NEK11: variants seen among roughly 807,000 people sequenced by gnomAD.
The protein encoded by NEK11 is serine/threonine-protein kinase Nek11.
Under a neutral mutation model 80.7 loss-of-function variants are expected in NEK11, and 72 were observed. That is an observed-to-expected ratio of 0.89 (90% CI 0.74 to 1.08). The LOEUF (loss-of-function observed/expected upper bound fraction) is 1.08, where lower values mean the gene tolerates loss of function less well. NEK11 is among the 50% of genes least tolerant of loss of function. The probability of loss-of-function intolerance (pLI) is 0.00; values close to 1 mark genes in which losing one functional copy is unlikely to be tolerated. For synonymous variants in NEK11, 251 were observed against 260.7 expected (o/e 0.96, Z 0.36); for missense variants, 764 against 763.6 (o/e 1.00, Z -0.01).
At chr3:131,133,980 T>C in intron 7 of NEK11, 24 bp downstream of exon 7, 1 of 1,554,350 alleles carries the variant, frequency 6.4e-7, no homozygotes, top group Non-Finnish European at 8.7e-7. Flanking sequence ...TGGGCTAGAC[T>C]CTTCATCTGC....
chr3:131,243,854 C>G (rs147800161), intron 16 of NEK11, among the ~76,000 whole-genome samples: 98 of 152,134 alleles, frequency 6.4e-4, no homozygotes, highest in African/African-American at 2.1e-3. Flanking sequence ...TTCAGTTAAG[C>G]TGGGAGGACC....
chr3:131,167,816 C>G (rs1210477605), intron 12 of NEK11, among the ~76,000 whole-genome samples: 1 of 152,244 alleles, frequency 6.6e-6, no homozygotes, highest in Non-Finnish European at 1.5e-5. Flanking sequence ...CCCTTCCCAT[C>G]AGCAAGGAGC....
chr3:131,204,385 G>T (rs982930285), intron 14 of NEK11, among the ~76,000 whole-genome samples: 1 of 152,204 alleles, frequency 6.6e-6, no homozygotes, highest in Non-Finnish European at 1.5e-5. Flanking sequence ...GCTGTGAGAA[G>T]CTGATTTATA....
intron 14 of NEK11, among the ~76,000 whole-genome samples, chr3:131,184,328 T>C (rs528923307): frequency 6.6e-6 from 1 of 152,276 alleles, no homozygotes; most frequent in South Asian, 2.1e-4. Context: ...TCGGACTCAC[T>C]TCAGACTTCC....
chr3:131,307,027 C>T (rs899705315), intron 17 of NEK11, among the ~76,000 whole-genome samples: 2 of 152,140 alleles, frequency 1.3e-5, no homozygotes, highest in African/African-American at 4.8e-5. Flanking sequence ...CCTCACCTCT[C>T]TAATGGATCC....
chr3:131,311,538 T>C (rs1329141450), intron 17 of NEK11, among the ~76,000 whole-genome samples: 1 of 152,260 alleles, frequency 6.6e-6, no homozygotes, highest in Non-Finnish European at 1.5e-5. Context: ...AGATCATTAA[T>C]GCTGCCTACT....
intron 15 of NEK11, among the ~76,000 whole-genome samples, chr3:131,229,276 C>T (rs1203535385): frequency 6.6e-6 from 1 of 151,952 alleles, no homozygotes; most frequent in Non-Finnish European, 1.5e-5. Context: ...AAGATTAAGC[C>T]TTATATGGGC....
chr3:131,139,353 G>GAAAAAAAAA (rs71622003), intron 7 of NEK11, among the ~76,000 whole-genome samples: 78 of 107,304 alleles, frequency 7.3e-4, no homozygotes, highest in East Asian at 1.9e-3. Context: ...AGAGAAAAAA[G>GAAAAAAAAA]AAAAAAAAAA....
At chr3:131,131,255 T>C (rs531152762) in intron 5 of NEK11, among the ~76,000 whole-genome samples, 2 of 152,366 alleles carry the variant, frequency 1.3e-5, no homozygotes, top group Non-Finnish European at 2.9e-5. Flanking sequence ...TTAGGGAGTA[T>C]TTCCTCTGCT....
At chr3:131,196,954 A>G (rs2094040244) in intron 14 of NEK11, among the ~76,000 whole-genome samples, 1 of 151,948 alleles carries the variant, frequency 6.6e-6, no homozygotes, top group Non-Finnish European at 1.5e-5. Flanking sequence ...TGCTGGCTCC[A>G]ATGCCTGGGT....
At chr3:131,244,660 A>G (rs1327676248) in intron 16 of NEK11, among the ~76,000 whole-genome samples, 3 of 152,148 alleles carry the variant, frequency 2.0e-5, no homozygotes, top group African/African-American at 7.2e-5. Context: ...GGTGGCTCAC[A>G]CCTGTAATCC....
intron 17 of NEK11, among the ~76,000 whole-genome samples, chr3:131,324,038 C>T (rs2096928555): frequency 6.6e-6 from 1 of 152,166 alleles, no homozygotes; most frequent in Non-Finnish European, 1.5e-5. Flanking sequence ...AGAAAAAAAG[C>T]ATGAAACATA....
In NEK11 at chr3:131,074,113, C is replaced by T. The variant is rs1156729908; in HGVS notation, c.171-6310C>T. 2.0e-5 allele frequency among the ~76,000 whole-genome samples: 3 copies of T among 152,108 alleles called. No individual in the cohort carries two copies. In the South Asian group the frequency reaches 6.2e-4, roughly 32 times the overall value. ...ATATACCCTTTCATGGCTTCCTTCCCCTCCTGTCTCACTTCCCCACTTTCC... is the reference window on the plus strand; with the variant it reads ...ATATACCCTTTCATGGCTTCCTTCCTCTCCTGTCTCACTTCCCCACTTTCC... On this transcript the variant is annotated intron_variant, in intron 3 of 17. Coordinates refer to ENST00000383366, the MANE Select transcript of NEK11 (RefSeq NM_024800.5).
At chr3:131,240,313 G>T (rs1243253388) in intron 15 of NEK11, among the ~76,000 whole-genome samples, 1 of 152,154 alleles carries the variant, frequency 6.6e-6, no homozygotes, top group Non-Finnish European at 1.5e-5. Flanking sequence ...CCTAATAGGT[G>T]TGGCAAAACC....
intron 17 of NEK11, among the ~76,000 whole-genome samples, chr3:131,314,982 C>T (rs2096821899): frequency 6.6e-6 from 1 of 152,106 alleles, no homozygotes; most frequent in African/African-American, 2.4e-5. Context: ...TATTTTATTT[C>T]ACTTCTTTTT....
chr3:131,180,742 A>G (rs2150161084), intron 14 of NEK11, among the ~76,000 whole-genome samples: 1 of 152,298 alleles, frequency 6.6e-6, no homozygotes, highest in African/African-American at 2.4e-5. Flanking sequence ...TAATAAAACT[A>G]CTGTCCATGA....
At chr3:131,237,169 A>G (rs2095444440) in intron 15 of NEK11, among the ~76,000 whole-genome samples, 1 of 151,952 alleles carries the variant, frequency 6.6e-6, no homozygotes, top group Non-Finnish European at 1.5e-5. Context: ...GTGAGACCTA[A>G]TCTCTACAAA....
intron 11 of NEK11, among the ~76,000 whole-genome samples, chr3:131,164,891 G>A (rs768999985): frequency 6.6e-6 from 1 of 152,172 alleles, no homozygotes; most frequent in Non-Finnish European, 1.5e-5. Flanking sequence ...TAGCCCACAA[G>A]TAATCATAAG....
rs1160307973 is a variant in NEK11, at chr3:131,124,763, T to C, written c.456-7982T>C. On this transcript the variant is annotated intron_variant, in intron 5 of 17. Coordinates refer to ENST00000383366, the MANE Select transcript of NEK11 (RefSeq NM_024800.5). Reference sequence around the variant, plus strand: ...ATGTACAGCATAGGTCTAGGTATCGTGGGAATGTAAGAAGGCAGTAGAAAA... The same window carrying C: ...ATGTACAGCATAGGTCTAGGTATCGCGGGAATGTAAGAAGGCAGTAGAAAA... 3.9e-5 allele frequency among the ~76,000 whole-genome samples: 6 copies of C among 152,196 alleles called. No individual in the cohort carries two copies. In the East Asian group the frequency reaches 1.2e-3, roughly 29 times the overall value.
Sources: gnomAD v4.1 joint callset for allele counts (sites outside exome capture counted in the v4.1 genomes callset) on GRCh38, gnomAD v4.1.1 for gene constraint, MANE v1.5 for transcripts, NCBI Gene and HGNC (gene_info 2026-07-23, HGNC 2026-07-21) for gene names.